Variants in KCNH7 observed in about 807,000 individuals in gnomAD.
KCNH7 encodes potassium voltage-gated channel subfamily H member 7.
KCNH7 carries 49 observed loss-of-function variants against 120.8 expected under a neutral mutation model. That is an observed-to-expected ratio of 0.41 (90% CI 0.32 to 0.51). The LOEUF is 0.51. Ranked by LOEUF, KCNH7 falls within the 20% of genes least tolerant of loss-of-function variation. The pLI is 0.38. For missense variants in KCNH7, 1,097 were observed against 1,446.6 expected (o/e 0.76, Z 3.92); for synonymous variants, 547 against 516.1 (o/e 1.06, Z -0.81).
At chr2:162,490,289 C>T (rs978580172) in intron 6 of KCNH7, among the ~76,000 whole-genome samples, 1 of 152,230 alleles carries the variant, frequency 6.6e-6, no homozygotes, top group Non-Finnish European at 1.5e-5. Context: ...AACAGGGAAC[C>T]CAGCCCCATC....
chr2:162,804,162 T>A (rs780189211), intron 2 of KCNH7, among the ~76,000 whole-genome samples: 5 of 151,748 alleles, frequency 3.3e-5, no homozygotes, highest in Non-Finnish European at 7.4e-5. Context: ...CTAAGCATTC[T>A]CCCTAAGAAC....
intron 2 of KCNH7, among the ~76,000 whole-genome samples, chr2:162,637,698 T>A (rs1173522022): frequency 1.3e-5 from 2 of 152,034 alleles, no homozygotes; most frequent in Admixed American, 1.3e-4. Flanking sequence ...ATGTTGTACA[T>A]CATAAATATA....
At chr2:162,460,548 G>T (rs1689115150) in intron 6 of KCNH7, among the ~76,000 whole-genome samples, 1 of 152,144 alleles carries the variant, frequency 6.6e-6, no homozygotes, top group South Asian at 2.1e-4. Context: ...GCTTTGTGAT[G>T]CTGGAGGCAG....
chr2:162,684,446 C>T (rs1042712838), intron 2 of KCNH7, among the ~76,000 whole-genome samples: 1 of 152,012 alleles, frequency 6.6e-6, no homozygotes, highest in African/African-American at 2.4e-5. Context: ...TTGCAATCTA[C>T]CCATCTGACA....
At chr2:162,784,736 G>A (rs995986289) in intron 2 of KCNH7, 43 of 151,986 alleles carry the variant, frequency 2.8e-4, no homozygotes, top group African/African-American at 9.2e-4. Context: ...ACAGAATTGC[G>A]GTAAGGATCA....
In KCNH7 at chr2:162,534,917, G is replaced by A. The variant is rs192078933; in HGVS notation, c.463+2008C>T. On this transcript the variant is annotated intron_variant, in intron 3 of 15. Transcript: ENST00000332142. ...AAAATGAAACATATCATGTCCAAAT[G>A]TGTCTTCTTCCAAGGATGCAAGAAT... 3.7e-4 allele frequency among the ~76,000 whole-genome samples: 56 copies of A among 151,726 alleles called. 1 individual carries two copies. The East Asian group carries it at 8.9e-3, about 24-fold the overall frequency.
At chr2:162,462,915 A>G (rs1689191899) in intron 6 of KCNH7, among the ~76,000 whole-genome samples, 1 of 152,084 alleles carries the variant, frequency 6.6e-6, no homozygotes, top group Admixed American at 6.6e-5. Context: ...TTAAACTTAA[A>G]CAAAAGGAAT....
intron 2 of KCNH7, among the ~76,000 whole-genome samples, chr2:162,680,393 G>A (rs1045712933): frequency 6.6e-6 from 1 of 151,708 alleles, no homozygotes; most frequent in Non-Finnish European, 1.5e-5. Context: ...AAGAAAAGGA[G>A]TTAGATATAT....
At chr2:162,818,885 C>T (rs1443615741) in intron 2 of KCNH7, among the ~76,000 whole-genome samples, 1 of 152,070 alleles carries the variant, frequency 6.6e-6, no homozygotes, top group Non-Finnish European at 1.5e-5. Context: ...ATGGGGCAAA[C>T]CAGCATCAAG....
At chr2:162,689,896 A>G (rs1686040046) in intron 2 of KCNH7, among the ~76,000 whole-genome samples, 1 of 152,196 alleles carries the variant, frequency 6.6e-6, no homozygotes, top group South Asian at 2.1e-4. Flanking sequence ...AGGAAGATAA[A>G]TCATTCTATT....
intron 6 of KCNH7, among the ~76,000 whole-genome samples, chr2:162,491,956 T>G (rs1690325729): frequency 6.6e-6 from 1 of 152,118 alleles, no homozygotes; most frequent in Non-Finnish European, 1.5e-5. Context: ...TACAGGACAC[T>G]TCCCTTAGAT....
At chr2:162,573,469 G>A (rs540099506) in intron 2 of KCNH7, among the ~76,000 whole-genome samples, 1 of 151,992 alleles carries the variant, frequency 6.6e-6, no homozygotes, top group Non-Finnish European at 1.5e-5. Flanking sequence ...AAAGATTTAA[G>A]CTGACATACC....
intron 2 of KCNH7, among the ~76,000 whole-genome samples, chr2:162,749,858 A>G (rs1167644335): frequency 6.6e-6 from 1 of 152,226 alleles, no homozygotes; most frequent in Non-Finnish European, 1.5e-5. Context: ...TGAAAGGAAA[A>G]GAACATTCCT....
chr2:162,481,018 C>A lies in KCNH7; in HGVS notation c.1128+23425G>T, dbSNP rs547321936. Among the ~76,000 whole-genome samples the A allele has an allele frequency of 1.2e-3, 185 of 152,274 alleles. 1 individual carries two copies. The Middle Eastern group carries it at 0.031, about 25-fold the overall frequency. On this transcript the variant is annotated intron_variant, in intron 6 of 15. Coordinates refer to ENST00000332142, the MANE Select transcript of KCNH7 (RefSeq NM_033272.4). Reference sequence around the variant, plus strand: ...GAGTCTCCACCCAGCTGACATCCTTCTGGCTTCCTTCGTGTTTTAATGTCG... The same window carrying A: ...GAGTCTCCACCCAGCTGACATCCTTATGGCTTCCTTCGTGTTTTAATGTCG...
chr2:162,372,964 A>T (rs950333340), intron 15 of KCNH7, among the ~76,000 whole-genome samples: 80 of 152,284 alleles, frequency 5.3e-4, no homozygotes, highest in African/African-American at 1.9e-3. Context: ...TGGGGTACAG[A>T]CAAGATTACT....
At chr2:162,727,933 A>G (rs1687586693) in intron 2 of KCNH7, among the ~76,000 whole-genome samples, 1 of 152,194 alleles carries the variant, frequency 6.6e-6, no homozygotes, top group South Asian at 2.1e-4. Flanking sequence ...TTAGCAAAAT[A>G]TATGCAAAAG....
intron 2 of KCNH7, among the ~76,000 whole-genome samples, chr2:162,594,159 G>A (rs980730870): frequency 6.6e-6 from 1 of 151,936 alleles, no homozygotes; most frequent in African/African-American, 2.4e-5. Context: ...GGGAAGGTGA[G>A]GGCATATCCT....
At chr2:162,805,546 G>T (rs111984596) in intron 2 of KCNH7, among the ~76,000 whole-genome samples, 2 of 151,780 alleles carry the variant, frequency 1.3e-5, no homozygotes, top group African/African-American at 2.4e-5. Flanking sequence ...CCACCTTCCT[G>T]CTACAAGAAT....
intron 2 of KCNH7, among the ~76,000 whole-genome samples, chr2:162,679,058 T>A (rs1685622662): frequency 6.6e-6 from 1 of 151,538 alleles, no homozygotes; most frequent in African/African-American, 2.4e-5. Context: ...AAATAACAGG[T>A]CACAGGTGTG....
Sources: allele counts gnomAD v4.1 joint callset (sites outside exome capture counted in the v4.1 genomes callset), GRCh38; gene constraint gnomAD v4.1.1; transcripts MANE v1.5; gene names NCBI Gene and HGNC (gene_info 2026-07-23, HGNC 2026-07-21).